The following DRD3 variants were observed in gnomAD, a reference collection of about 807,000 sequenced individuals.
The protein encoded by DRD3 is D(3) dopamine receptor.
Under a neutral mutation model 36.3 loss-of-function variants are expected in DRD3, and 19 were observed. The ratio of observed to expected loss-of-function variants is 0.52; its 90% CI spans 0.36 to 0.77. DRD3 has a LOEUF of 0.77. Ranked by LOEUF, DRD3 falls within the 30% of genes least tolerant of loss-of-function variation. DRD3 has a pLI of 0.00. For synonymous variants in DRD3, 195 were observed against 203.7 expected (o/e 0.96, Z 0.36); for missense variants, 465 against 505.3 (o/e 0.92, Z 0.77).
intron 2 of DRD3, among the ~76,000 whole-genome samples, chr3:114,160,590 T>G (rs1164483899): frequency 6.6e-6 from 1 of 152,216 alleles, no homozygotes; most frequent in East Asian, 1.9e-4. Context: ...GTGCCAAAAC[T>G]GTCTCTCTGA....
At chr3:114,138,754 T>A (rs2077497445) in intron 5 of DRD3, among the ~76,000 whole-genome samples, 1 of 152,238 alleles carries the variant, frequency 6.6e-6, no homozygotes, top group South Asian at 2.1e-4. Flanking sequence ...TCTGGGATCT[T>A]CATTAACATT....
intron 1 of DRD3, among the ~76,000 whole-genome samples, chr3:114,173,945 C>T (rs1241478905): frequency 6.6e-6 from 1 of 152,002 alleles, no homozygotes; most frequent in African/African-American, 2.4e-5. Context: ...TCATGGCTGT[C>T]ATTTTGTACC....
intron 4 of DRD3, among the ~76,000 whole-genome samples, chr3:114,145,956 CTG>C (rs1251174561): frequency 1.3e-5 from 2 of 152,148 alleles, no homozygotes; most frequent in East Asian, 3.8e-4. Context: ...GTATGCTCCA[CTG>C]TAATTTTATC....
upstream of DRD3, among the ~76,000 whole-genome samples, chr3:114,180,166 T>C (rs985470660): frequency 6.6e-6 from 1 of 152,054 alleles, no homozygotes; most frequent in African/African-American, 2.4e-5. Flanking sequence ...GAATAATAAT[T>C]ATGACAGTAA....
intron 2 of DRD3, 68 bp from the exon 3 acceptor site, chr3:114,159,935 T>G (rs948353610): frequency 1.8e-5 from 25 of 1,412,606 alleles, no homozygotes; most frequent in Non-Finnish European, 2.4e-5. Context: ...TTGGCCCTAT[T>G]TTCTTTGCTT....
At chr3:114,177,993 G>A (rs376578696) in intron 1 of DRD3, among the ~76,000 whole-genome samples, 21 of 152,112 alleles carry the variant, frequency 1.4e-4, no homozygotes, top group East Asian at 7.7e-4. Context: ...CATGTATTTT[G>A]ATGGTATTCA....
At chr3:114,176,467 T>C (rs577649362) in intron 1 of DRD3, among the ~76,000 whole-genome samples, 1 of 152,194 alleles carries the variant, frequency 6.6e-6, no homozygotes, top group African/African-American at 2.4e-5. Context: ...TAGCTGCGTG[T>C]GATGCCATGT....
rs1357854306 is a variant in DRD3 at position 114,131,310 on chromosome 3, T to C, written c.814A>G (p.Arg272Gly). 6.2e-7 allele frequency: 1 copy of C among 1,614,214 alleles called. No individual in the cohort carries two copies. The highest frequency in any genetic ancestry group is 1.3e-5 in the African/African-American group (1 of 75,044). ...TALGGPGFQE[R>G]GGELKREEKT... ...TCCTCTCTTTTCAACTCTCCTCCTC[T>C]TTCTTGGAAGCCTGGTCCACCCAAG... Residue 272 changes from arginine to glycine, a missense_variant, in exon 6 of 7, where the codon AGA (arginine) becomes GGA (glycine). Arg to Gly is a moderately radical substitution (Grantham distance 125, BLOSUM62 -2). Transcript: ENST00000383673.
chr3:114,197,697 G>A (rs1354145840), intron 1 of DRD3, among the ~76,000 whole-genome samples: 2 of 152,174 alleles, frequency 1.3e-5, no homozygotes, highest in South Asian at 2.1e-4. Context: ...TGTTGGCAAA[G>A]TTATTCTTTC....
chr3:114,134,254 GTTAT>G (rs893500354), intron 5 of DRD3, among the ~76,000 whole-genome samples: 2 of 151,986 alleles, frequency 1.3e-5, no homozygotes, highest in South Asian at 2.1e-4. Flanking sequence ...ACTATTTAGT[GTTAT>G]TTATTTATTT....
intron 1 of DRD3, chr3:114,199,150 C>A (rs889557263): frequency 6.6e-6 from 1 of 152,212 alleles, no homozygotes; most frequent in Non-Finnish European, 1.5e-5. Context: ...TGATGTCTAA[C>A]ATGCCATTAA....
rs200737417 is a variant in DRD3, at chr3:114,128,703, C to A, written c.*13G>T. 2.2e-5 allele frequency: 34 copies of A among 1,577,076 alleles called. No homozygotes were observed. In the South Asian group the frequency reaches 4.0e-4, roughly 19 times the overall value. On this transcript the variant is annotated 3_prime_UTR_variant, in exon 7 of 7. Coordinates refer to ENST00000383673, the MANE Select transcript of DRD3 (RefSeq NM_000796.6). ...TAGAAATGGGTACAAAGAGTGTTCC[C>A]TCTTCTGCTCCCTCAGCAAGACAGG... is the stretch of plus-strand genomic sequence containing the variant.
rs562902424 is a variant in DRD3 at position 114,191,914 on chromosome 3, A to T, written c.-156+7359T>A. Among the ~76,000 whole-genome samples the T allele has an allele frequency of 3.3e-5, 5 of 152,370 alleles. No homozygotes were observed. In the South Asian group the frequency reaches 1.0e-3, roughly 32 times the overall value. ...AGGAAACATGCTGTAGAAATAAATG[A>T]AGACCAACCAAATAAGACAGCAAAG... On this transcript the variant is annotated intron_variant, in intron 1 of 7. Transcript: ENST00000460779.
chr3:114,141,794 G>A (rs1358163840), intron 4 of DRD3, among the ~76,000 whole-genome samples: 3 of 152,130 alleles, frequency 2.0e-5, no homozygotes, highest in Admixed American at 6.5e-5. Context: ...GCTCACGCCT[G>A]TAATCCCAGC....
Position 114,128,685 on chromosome 3 carries a change from G to A in DRD3, c.*31C>T, listed in dbSNP as rs750900145. 6.5e-7 allele frequency: 1 copy of A among 1,527,056 alleles called. No individual in the cohort carries two copies. Among genetic ancestry groups the A allele is most frequent in the Non-Finnish European group, 8.8e-7 (1 of 1,132,854 alleles). The allele number at this position is 1,527,056 out of a possible 1,614,324, so 94.6% of individuals were successfully genotyped here. On this transcript the variant is annotated 3_prime_UTR_variant, in exon 7 of 7. Coordinates refer to ENST00000383673, the MANE Select transcript of DRD3 (RefSeq NM_000796.6). ...GGCCAACAGCCTGGCAGCTAGAAATGGGTACAAAGAGTGTTCCCTCTTCTG... is the reference window on the plus strand; with the variant it reads ...GGCCAACAGCCTGGCAGCTAGAAATAGGTACAAAGAGTGTTCCCTCTTCTG...
At chr3:114,190,423 T>C (rs2077998851) in intron 1 of DRD3, among the ~76,000 whole-genome samples, 1 of 5,002 alleles carries the variant, frequency 2.0e-4, no homozygotes, top group Non-Finnish European at 3.9e-4. Flanking sequence ...TATATATATA[T>C]ATATATATAT....
intron 2 of DRD3, among the ~76,000 whole-genome samples, chr3:114,170,723 T>C (rs1292605417): frequency 2.0e-5 from 3 of 152,230 alleles, no homozygotes; most frequent in Non-Finnish European, 4.4e-5. Flanking sequence ...TGATATGTCA[T>C]ACTTAATTAA....
rs991702507 is a variant in DRD3 at position 114,128,030 on chromosome 3, T to A, written c.*686A>T. ...TTCTGGAAGTTGAGACTCTGAGATT[T>A]CCTCTAGAGAGTAAAGGAATGGAAT... is the stretch of plus-strand genomic sequence containing the variant. On this transcript the variant is annotated 3_prime_UTR_variant, in exon 7 of 7. Transcript: ENST00000383673. Among the ~76,000 whole-genome samples, 21 of 152,244 alleles carry A rather than the reference T, an allele frequency of 1.4e-4. No individual in the cohort carries two copies. Among genetic ancestry groups the A allele is most frequent in the Non-Finnish European group, 2.5e-4 (17 of 68,036 alleles).
chr3:114,135,300 C>T (rs1453387803), intron 5 of DRD3, among the ~76,000 whole-genome samples: 206 of 3,730 alleles, frequency 0.055, 92 homozygotes, highest in African/African-American at 0.058. Flanking sequence ...TTCCCGGGTT[C>T]GCGCCATTCT....
Sources: gnomAD v4.1 joint callset for allele counts (sites outside exome capture counted in the v4.1 genomes callset) on GRCh38, gnomAD v4.1.1 for gene constraint, MANE v1.5 for transcripts, NCBI Gene and HGNC (gene_info 2026-07-23, HGNC 2026-07-21) for gene names.